TET3: variants seen among roughly 807,000 people sequenced by gnomAD.
TET3 encodes the protein methylcytosine dioxygenase TET3.
Under a neutral mutation model 141.4 loss-of-function variants are expected in TET3, and 19 were observed. The ratio of observed to expected loss-of-function variants is 0.13; its 90% CI spans 0.09 to 0.20. The LOEUF is 0.20. TET3 is among the 10% of genes least tolerant of loss of function. TET3 has a pLI of 1.00. For missense variants in TET3, 1,874 were observed against 2,356.9 expected (o/e 0.80, Z 4.24); for synonymous variants, 1,043 against 980.9 (o/e 1.06, Z -1.18).
intron 3 of TET3, among the ~76,000 whole-genome samples, chr2:74,026,479 T>G (rs531278975): frequency 4.7e-4 from 71 of 152,190 alleles, no homozygotes; most frequent in Non-Finnish European, 8.7e-4. Context: ...GCAGGTTGCC[T>G]GTTCTCGGAC....
chr2:74,097,349 TG>T (rs1463728146), intron 10 of TET3, among the ~76,000 whole-genome samples: 1 of 152,182 alleles, frequency 6.6e-6, no homozygotes, highest in Non-Finnish European at 1.5e-5. Context: ...TATGCAAAGA[TG>T]ACTTCATGAT....
At chr2:74,088,352 A>G (rs1690274141) in intron 7 of TET3, among the ~76,000 whole-genome samples, 1 of 152,196 alleles carries the variant, frequency 6.6e-6, no homozygotes, top group South Asian at 2.1e-4. Flanking sequence ...GATATTTACA[A>G]AACCTGCCCT....
intron 3 of TET3, among the ~76,000 whole-genome samples, chr2:74,029,118 G>T (rs201431850): frequency 6.2e-4 from 95 of 152,308 alleles, no homozygotes; most frequent in African/African-American, 2.1e-3. Context: ...AGGGGCAGTT[G>T]TCCCCAAAGG....
chr2:74,035,132 G>T (rs1183251618), intron 3 of TET3, among the ~76,000 whole-genome samples: 7 of 151,006 alleles, frequency 4.6e-5, no homozygotes, highest in Non-Finnish European at 8.9e-5. Flanking sequence ...AACCTGGGAG[G>T]CGGAGCTTGC....
In TET3 at chr2:74,106,236, T is replaced by G. The variant is rs1691499353; in HGVS notation, c.*4060T>G. 1 of 152,242 alleles carries G rather than the reference T, an allele frequency of 6.6e-6. No homozygotes were observed. The highest frequency in any genetic ancestry group is 2.4e-5 in the African/African-American group (1 of 41,446). 9.4% of individuals were successfully genotyped at this position (152,242 alleles called of 1,614,324 possible). A position where few individuals can be genotyped will look rare whatever the true frequency, so the allele number is the denominator to read the frequency against. The stretch of plus-strand genomic sequence containing the variant: ...AAGTCGAGAAGGCAGCTATCTCCCT[T>G]TCTGTGATCGGGAGTGGGCCTGCCT... On this transcript the variant is annotated 3_prime_UTR_variant, in exon 12 of 12. Coordinates refer to ENST00000409262, the MANE Select transcript of TET3 (RefSeq NM_001287491.2).
At chr2:74,036,166 C>G (rs1687047328) in intron 3 of TET3, among the ~76,000 whole-genome samples, 1 of 152,194 alleles carries the variant, frequency 6.6e-6, no homozygotes, top group Non-Finnish European at 1.5e-5. Flanking sequence ...TACTGTTACT[C>G]ATCCCCAATT....
At chr2:74,058,113 A>G (rs188752230) in intron 4 of TET3, among the ~76,000 whole-genome samples, 44 of 152,346 alleles carry the variant, frequency 2.9e-4, no homozygotes, top group Non-Finnish European at 3.8e-4. Flanking sequence ...GAAGCATGCC[A>G]TTACAAAGCA....
chr2:74,017,032 TCTC>T (rs1685765248), intron 3 of TET3, among the ~76,000 whole-genome samples: 1 of 152,132 alleles, frequency 6.6e-6, no homozygotes, highest in African/African-American at 2.4e-5. Flanking sequence ...ACTCCTATAA[TCTC>T]AGCTACTTGG....
downstream of TET3, among the ~76,000 whole-genome samples, chr2:74,109,670 A>G (rs1363071703): frequency 6.6e-6 from 1 of 152,188 alleles, no homozygotes; most frequent in Non-Finnish European, 1.5e-5. Context: ...TCTTAATTCC[A>G]TAAACCTTCT....
chr2:73,989,842 T>G (rs1405324342), intron 2 of TET3, among the ~76,000 whole-genome samples: 1 of 152,120 alleles, frequency 6.6e-6, no homozygotes, highest in Non-Finnish European at 1.5e-5. Context: ...TGGATAGGGC[T>G]GAGAACCCAG....
At chr2:74,004,849 G>A (rs560772313) in intron 3 of TET3, among the ~76,000 whole-genome samples, 1 of 152,316 alleles carries the variant, frequency 6.6e-6, no homozygotes, top group South Asian at 2.1e-4. Context: ...TGGAGGAGTT[G>A]TAATCACCTC....
chr2:74,123,908 G>A, the TET3 span, among the ~76,000 whole-genome samples: 6 of 151,016 alleles, frequency 4.0e-5, no homozygotes, highest in South Asian at 2.1e-4. Flanking sequence ...CTGCCAGGCC[G>A]CGACCTCGTC....
At chr2:74,084,453 CTCTT>C (rs1421203104) in intron 6 of TET3, among the ~76,000 whole-genome samples, 1 of 151,248 alleles carries the variant, frequency 6.6e-6, no homozygotes, top group Non-Finnish European at 1.5e-5. Flanking sequence ...CCATGTCTCT[CTCTT>C]TTTTTTTTTT....
intron 4 of TET3, among the ~76,000 whole-genome samples, chr2:74,053,664 G>C (rs1341372321): frequency 6.6e-6 from 1 of 152,200 alleles, no homozygotes; most frequent in Non-Finnish European, 1.5e-5. Flanking sequence ...CTGGAGCATG[G>C]TGAAAGTCTG....
At chr2:74,073,285 T>G (rs991407694) in intron 4 of TET3, among the ~76,000 whole-genome samples, 3 of 152,202 alleles carry the variant, frequency 2.0e-5, no homozygotes, top group Non-Finnish European at 4.4e-5. Flanking sequence ...CCCAAAGTGC[T>G]TAGATCACAG....
At position 74,092,949 on chromosome 2, in the gene TET3, T is replaced by C. The variant is rs202014805; in HGVS notation, c.3087T>C (p.Ala1029=). 10 of 1,587,696 alleles carry C rather than the reference T, an allele frequency of 6.3e-6. No homozygotes were observed. In the African/African-American group the frequency reaches 1.3e-4, roughly 21 times the overall value. The part of the protein sequence containing the change: ...KSFQDLATEV[A]PLYKRLAPQA... The stretch of plus-strand genomic sequence containing the variant: ...TCCAGGACCTGGCCACCGAAGTCGC[T>C]CCCCTGTACAAGCGACTGGCCCCTC... The change falls in exon 9 of 12, where the codon GCT becomes GCC. Residue 1029 remains alanine (A), a synonymous_variant. Transcript: ENST00000409262.
At chr2:73,990,214 T>TAA (rs11372229) in intron 2 of TET3, among the ~76,000 whole-genome samples, 1,563 of 144,480 alleles carry the variant, frequency 0.011, 12 homozygotes, top group Non-Finnish European at 0.014. Context: ...ACCCCATTGC[T>TAA]AAAAAAAAAA....
At position 74,102,801 on chromosome 2, in the gene TET3, G is replaced by A. The variant is rs1285450390; in HGVS notation, c.*625G>A. On this transcript the variant is annotated 3_prime_UTR_variant, in exon 12 of 12. Coordinates refer to ENST00000409262, the MANE Select transcript of TET3 (RefSeq NM_001287491.2). ...ATACACCCCTTCCCTTTGGGGAAGG[G>A]AGCCTCAGGACAGCTTCTGTCCTCT... is the stretch of plus-strand genomic sequence containing the variant. The A allele has an allele frequency of 1.3e-5, 2 of 152,150 alleles. No homozygotes were observed. The highest frequency in any genetic ancestry group is 2.9e-5 in the Non-Finnish European group (2 of 68,030). 9.4% of individuals were successfully genotyped at this position (152,150 alleles called of 1,614,324 possible).
chr2:74,074,502 TTG>T (rs1325007334), intron 5 of TET3, among the ~76,000 whole-genome samples: 2 of 152,226 alleles, frequency 1.3e-5, no homozygotes, highest in African/African-American at 2.4e-5. Context: ...AGATGGAGAC[TTG>T]GAAACCCATG....
Sources: allele counts gnomAD v4.1 joint callset (sites outside exome capture counted in the v4.1 genomes callset), GRCh38; gene constraint gnomAD v4.1.1; transcripts MANE v1.5; gene names NCBI Gene and HGNC (gene_info 2026-07-23, HGNC 2026-07-21).